The following SNX8 variants were observed in gnomAD, a reference collection of about 807,000 sequenced individuals.
SNX8 encodes sorting nexin 8, also known as sorting nexin-8.
A neutral mutation model predicts 51.6 loss-of-function variants in SNX8; 25 were observed. That is an observed-to-expected ratio of 0.48 (90% CI 0.35 to 0.68). The LOEUF is 0.68. SNX8 is among the 30% of genes least tolerant of loss of function. SNX8 has a pLI of 0.00. For missense variants in SNX8, 695 were observed against 624.0 expected (o/e 1.11, Z -1.21); for synonymous variants, 324 against 277.0 (o/e 1.17, Z -1.68).
rs1215882898 is a variant in SNX8 at position 2,354,230 on chromosome 7, A to ATCGCGCCAGGCAGTCGTCC, written c.-93_-75dup. On this transcript the variant is annotated 5_prime_UTR_variant, in exon 1 of 6. Coordinates refer to the SNX8 transcript ENST00000435336. ...TAAAGAAACTTCCATACATTTTTGT[A>ATCGCGCCAGGCAGTCGTCC]TCGCGCCAGGCAGTCGTCCTTCTAG... 36 of 152,424 alleles carry ATCGCGCCAGGCAGTCGTCC rather than the reference A, an allele frequency of 2.4e-4. No homozygotes were observed. The East Asian group carries it at 6.9e-3, about 29-fold the overall frequency. The allele number at this position is 152,424 out of a possible 1,614,324, so 9.4% of individuals were successfully genotyped here.
chr7:2,303,212 C>T (rs1306606868), intron 1 of SNX8, among the ~76,000 whole-genome samples: 4 of 143,964 alleles, frequency 2.8e-5, no homozygotes, highest in Non-Finnish European at 6.1e-5. Context: ...CCCGGCCAGC[C>T]GCCCCGTCCA....
intron 2 of SNX8, among the ~76,000 whole-genome samples, chr7:2,277,810 G>GA (rs35629553): frequency 1.3e-3 from 191 of 146,496 alleles, no homozygotes; most frequent in African/African-American, 4.0e-3. Flanking sequence ...CCACATCGGG[G>GA]AAAAAAAAAA....
At chr7:2,265,595 T>G (rs1584674812) in intron 5 of SNX8, among the ~76,000 whole-genome samples, 1 of 150,782 alleles carries the variant, frequency 6.6e-6, no homozygotes, top group East Asian at 2.0e-4. Context: ...CAAGGAGCCA[T>G]GATCACAACA....
rs541843740 is a variant in SNX8, at chr7:2,273,676, C to G, written c.418+1436G>C. 4.7e-5 allele frequency among the ~76,000 whole-genome samples: 7 copies of G among 150,366 alleles called. No individual in the cohort carries two copies. In the East Asian group the frequency reaches 1.0e-3, roughly 21 times the overall value. Reference sequence around the variant, plus strand: ...CCCAGCACTTTGGGAGGCTGAGGTGCGCGGATCACGAGGTCAGGAGATTGA... The same window carrying G: ...CCCAGCACTTTGGGAGGCTGAGGTGGGCGGATCACGAGGTCAGGAGATTGA... On this transcript the variant is annotated intron_variant, in intron 3 of 10. Transcript: ENST00000222990.
intron 1 of SNX8, among the ~76,000 whole-genome samples, chr7:2,347,412 T>C (rs1227156447): frequency 7.6e-6 from 1 of 131,938 alleles, no homozygotes; most frequent in African/African-American, 2.9e-5. Flanking sequence ...ACCTAGGAGG[T>C]GGAGATTGCA....
intron 1 of SNX8, among the ~76,000 whole-genome samples, chr7:2,303,360 G>A (rs1235203695): frequency 6.6e-5 from 10 of 150,832 alleles, no homozygotes; most frequent in South Asian, 2.1e-4. Flanking sequence ...CCAGCCAGCC[G>A]CCCCGTCTGG....
chr7:2,311,204 C>A (rs1796651242), intron 1 of SNX8, among the ~76,000 whole-genome samples: 1 of 152,108 alleles, frequency 6.6e-6, no homozygotes, highest in African/African-American at 2.4e-5. Context: ...TTCACAGTTC[C>A]CACATGAATA....
At chr7:2,334,869 G>GAAAAAAA (rs71023399) in intron 1 of SNX8, among the ~76,000 whole-genome samples, 1 of 80,108 alleles carries the variant, frequency 1.2e-5, no homozygotes, top group Non-Finnish European at 2.3e-5. Context: ...GCCCATCTCT[G>GAAAAAAA]AAAAAAAAAA....
chr7:2,265,935 G>A (rs1401363464), intron 5 of SNX8, among the ~76,000 whole-genome samples: 1 of 152,066 alleles, frequency 6.6e-6, no homozygotes, highest in African/African-American at 2.4e-5. Flanking sequence ...AACATAGTGA[G>A]ACTTCATCTA....
At chr7:2,300,175 ACT>A (rs1796360375) in intron 1 of SNX8, among the ~76,000 whole-genome samples, 1 of 152,042 alleles carries the variant, frequency 6.6e-6, no homozygotes, top group African/African-American at 2.4e-5. Context: ...AGAAGGCTGG[ACT>A]CTCATCTGGT....
chr7:2,306,069 G>A (rs555066298), intron 1 of SNX8, among the ~76,000 whole-genome samples: 1 of 152,274 alleles, frequency 6.6e-6, no homozygotes, highest in Admixed American at 6.5e-5. Flanking sequence ...CCCTTATCAG[G>A]CTCTGTAGGG....
At chr7:2,293,245 G>T (rs75537891) in intron 1 of SNX8, among the ~76,000 whole-genome samples, 45,065 of 147,466 alleles carry the variant, frequency 0.31, 7,943 homozygotes, top group East Asian at 0.6. Flanking sequence ...CTCCCAAAGT[G>T]CTGGAATTAC....
At chr7:2,318,777 C>T (rs765536047), upstream of SNX8, among the ~76,000 whole-genome samples, 1 of 149,256 alleles carries the variant, frequency 6.7e-6, no homozygotes, top group Non-Finnish European at 1.5e-5. Flanking sequence ...TTTGGGAGGT[C>T]GAGGCAGGAG....
chr7:2,336,710 AAAAT>A (rs1467649796), intron 1 of SNX8, among the ~76,000 whole-genome samples: 4 of 151,408 alleles, frequency 2.6e-5, no homozygotes, highest in Admixed American at 2.0e-4. Context: ...CCTTCTCAAA[AAAAT>A]AAATAAATAA....
At chr7:2,317,900 G>A (rs750420706), upstream of SNX8, among the ~76,000 whole-genome samples, 7 of 152,064 alleles carry the variant, frequency 4.6e-5, no homozygotes, top group Non-Finnish European at 1.0e-4. Context: ...AGGCACAGTG[G>A]GACATGGCAG....
At chr7:2,284,960 C>G (rs888140397) in intron 1 of SNX8, among the ~76,000 whole-genome samples, 2 of 151,890 alleles carry the variant, frequency 1.3e-5, no homozygotes, top group Admixed American at 6.6e-5. Flanking sequence ...GCCTGTAAAT[C>G]CCAGCACTTT....
intron 7 of SNX8, among the ~76,000 whole-genome samples, chr7:2,259,840 C>T (rs771833365): frequency 6.6e-6 from 1 of 152,096 alleles, no homozygotes; most frequent in Non-Finnish European, 1.5e-5. Flanking sequence ...CATTTGTCAC[C>T]AAGTCCCATC....
At position 2,306,223 on chromosome 7, in the gene SNX8, C is replaced by T. The variant is rs561121137; in HGVS notation, c.94+8105G>A. Among the ~76,000 whole-genome samples the T allele has an allele frequency of 2.6e-5, 4 of 152,168 alleles. No individual in the cohort carries two copies. In the East Asian group the frequency reaches 7.8e-4, roughly 29 times the overall value. On this transcript the variant is annotated intron_variant, in intron 1 of 10. Transcript: ENST00000222990. Reference sequence around the variant, plus strand: ...GTGGCGCGATCTCAGCTCACTGCAACCTCGAGCAATTCTCCTTCCTCAGGC... The same window carrying T: ...GTGGCGCGATCTCAGCTCACTGCAATCTCGAGCAATTCTCCTTCCTCAGGC...
intron 1 of SNX8, among the ~76,000 whole-genome samples, chr7:2,322,065 C>T (rs1407832487): frequency 1.3e-5 from 2 of 152,160 alleles, no homozygotes; most frequent in African/African-American, 4.8e-5. Flanking sequence ...GTAGCAAGAA[C>T]CCAGTTATAT....
Sources: gnomAD v4.1 joint callset for allele counts (sites outside exome capture counted in the v4.1 genomes callset) on GRCh38, gnomAD v4.1.1 for gene constraint, MANE v1.5 for transcripts, NCBI Gene and HGNC (gene_info 2026-07-23, HGNC 2026-07-21) for gene names.